Variants in SLC8A1 observed in about 807,000 individuals in gnomAD.
The protein encoded by SLC8A1 is sodium/calcium exchanger 1.
In SLC8A1, 18 loss-of-function variants were observed where a neutral mutation model predicts 68.3. The observed-to-expected ratio is 0.26, with a 90% CI of 0.18 to 0.39. The LOEUF is 0.39. Ranked by LOEUF, SLC8A1 falls within the 10% of genes least tolerant of loss-of-function variation. The probability of loss-of-function intolerance (pLI) is 1.00; values close to 1 mark genes in which losing one functional copy is unlikely to be tolerated. For missense variants in SLC8A1, 985 were observed against 1,156.7 expected, an observed-to-expected ratio of 0.85 and a Z score of 2.15; for synonymous variants, 475 against 415.5, an observed-to-expected ratio of 1.14 and a Z score of -1.74.
In SLC8A1 at chr2:40,365,554, G is replaced by A. The variant is rs923132010; in HGVS notation, c.1808+62919C>T. ...TCACTACGGTTGGGGGCAAGGTGAG[G>A]GGCTCTGAATCCCATTTGGAAGCTT... On this transcript the variant is annotated intron_variant, in intron 2 of 7. Coordinates refer to ENST00000406785, the Ensembl canonical transcript of SLC8A1. Among the ~76,000 whole-genome samples the A allele has an allele frequency of 9.2e-5, 14 of 152,158 alleles. No homozygotes were observed. In the East Asian group the frequency reaches 2.7e-3, roughly 29 times the overall value.
At chr2:40,115,099 T>C (rs2035077415) in exon 8 of SLC8A1, 1 of 482,124 alleles carries the variant, frequency 2.1e-6, no homozygotes, top group African/African-American at 2.0e-5. Flanking sequence ...AGGTGATGGT[T>C]TTTTACTTCG....
intron 1 of SLC8A1, among the ~76,000 whole-genome samples, chr2:40,510,829 G>C (rs1026192780): frequency 6.6e-6 from 1 of 152,090 alleles, no homozygotes; most frequent in Admixed American, 6.6e-5. Flanking sequence ...AGAATAATTT[G>C]ATGGAAACAA....
intron 7 of SLC8A1, 121 bp downstream of exon 10, chr2:40,139,280 G>A (rs2041121632): frequency 2.8e-6 from 3 of 1,084,920 alleles, no homozygotes; most frequent in Admixed American, 4.8e-5. Flanking sequence ...ATACCTCAGG[G>A]CTCTCGTCTT....
chr2:40,157,182 A>G (rs190925671), intron 6 of SLC8A1, among the ~76,000 whole-genome samples: 3 of 152,362 alleles, frequency 2.0e-5, no homozygotes, highest in South Asian at 4.1e-4. Context: ...GTTCTATAAT[A>G]GAATTGCCTC....
At chr2:40,420,318 T>G (rs1319428252) in intron 2 of SLC8A1, among the ~76,000 whole-genome samples, 1 of 151,482 alleles carries the variant, frequency 6.6e-6, no homozygotes, top group African/African-American at 2.4e-5. Context: ...CCCCTGATAC[T>G]AATTCTTTGC....
At chr2:40,369,118 A>T (rs1677174263) in intron 2 of SLC8A1, among the ~76,000 whole-genome samples, 1 of 152,118 alleles carries the variant, frequency 6.6e-6, no homozygotes. Flanking sequence ...CATTAAGGAC[A>T]CAGGCTGGGG....
chr2:40,396,575 T>C (rs1159798752), intron 2 of SLC8A1, among the ~76,000 whole-genome samples: 1 of 151,854 alleles, frequency 6.6e-6, no homozygotes, highest in African/African-American at 2.4e-5. Context: ...ATTATGTACA[T>C]AACCTGGAAA....
chr2:40,108,841 C>T (rs1197071020), exon 8 of SLC8A1: 2 of 151,978 alleles, frequency 1.3e-5, no homozygotes, highest in Non-Finnish European at 2.9e-5. Context: ...AGAGGGAGGG[C>T]CAAAAGTTCT....
At chr2:40,294,743 A>G (rs2070011627) in intron 2 of SLC8A1, among the ~76,000 whole-genome samples, 1 of 152,204 alleles carries the variant, frequency 6.6e-6, no homozygotes, top group Admixed American at 6.5e-5. Flanking sequence ...GCCTGGTTTT[A>G]TAAAATAAAG....
chr2:40,409,229 C>G (rs1039129340), intron 2 of SLC8A1, among the ~76,000 whole-genome samples: 3 of 152,078 alleles, frequency 2.0e-5, no homozygotes, highest in African/African-American at 7.2e-5. Context: ...GACTAAAATA[C>G]CCCTGTAAGT....
intron 2 of SLC8A1, among the ~76,000 whole-genome samples, chr2:40,243,756 G>C (rs915804678): frequency 6.6e-6 from 1 of 152,158 alleles, no homozygotes; most frequent in African/African-American, 2.4e-5. Flanking sequence ...CAGTGGGAAG[G>C]CACCAACTCT....
intron 4 of SLC8A1, chr2:40,170,329 C>A: frequency 1.2e-6 from 2 of 1,614,048 alleles, no homozygotes; most frequent in South Asian, 2.2e-5. Flanking sequence ...CTAGCATGAA[C>A]CTTCCTGAAG....
Position 40,324,031 on chromosome 2 carries a change from G to C in SLC8A1, c.1808+104442C>G, listed in dbSNP as rs182103703. Among the ~76,000 whole-genome samples the C allele has an allele frequency of 1.6e-3, 241 of 151,820 alleles. 3 individuals are homozygous for C. The East Asian group carries it at 0.022, about 14-fold the overall frequency. On this transcript the variant is annotated intron_variant, in intron 2 of 7. Transcript: ENST00000406785. Reference sequence around the variant, plus strand: ...GCAATGCTTAGCAAGTTAAAGGTGGGGGGGGGGCTGTTAACAATTACAGTA... The same window carrying C: ...GCAATGCTTAGCAAGTTAAAGGTGGCGGGGGGGCTGTTAACAATTACAGTA...
At chr2:40,482,021 A>G (rs550652495) in intron 1 of SLC8A1, among the ~76,000 whole-genome samples, 2 of 152,320 alleles carry the variant, frequency 1.3e-5, no homozygotes, top group South Asian at 2.1e-4. Context: ...ACCTGTCCCA[A>G]AAGATTCTCT....
intron 1 of SLC8A1, among the ~76,000 whole-genome samples, chr2:40,498,019 A>G (rs1420482099): frequency 1.3e-5 from 2 of 152,014 alleles, no homozygotes; most frequent in Admixed American, 6.6e-5. Context: ...GGTATGAACT[A>G]TTGGATTTTG....
At chr2:40,149,088 TC>T (rs1257712803) in intron 6 of SLC8A1, among the ~76,000 whole-genome samples, 27 of 152,350 alleles carry the variant, frequency 1.8e-4, no homozygotes, top group Non-Finnish European at 1.5e-4. Flanking sequence ...TGGTGCATAT[TC>T]TATTAAGTCT....
chr2:40,267,125 CA>C (rs1476813205), intron 2 of SLC8A1, among the ~76,000 whole-genome samples: 1 of 152,180 alleles, frequency 6.6e-6, no homozygotes, highest in South Asian at 2.1e-4. Context: ...GCTGGTACCA[CA>C]ATAATGGTGA....
rs1201422767 is a variant in SLC8A1 at position 40,165,132 on chromosome 2, CCAGA to C, written c.1931-152_1931-149del. The C allele has an allele frequency of 4.0e-5, 35 of 864,790 alleles. No homozygotes were observed. The Admixed American group carries it at 7.4e-4, about 18-fold the overall frequency. 53.6% of individuals were successfully genotyped at this position (864,790 alleles called of 1,614,324 possible). ...GAGATCACGATGCTGGAGGGAAGAG[CCAGA>C]CAGACACTTGGCATGTAAGGCAGCA... On this transcript the variant is annotated intron_variant, in intron 4 of 7. Transcript: ENST00000406785.
Position 40,258,043 on chromosome 2 carries a change from C to A in SLC8A1, c.1809-80188G>T, listed in dbSNP as rs1466649830. ...GTGGGTGATGCTGACAATAATTAAG[C>A]AAACAGAATGCCAAACAATTGTAAG... On this transcript the variant is annotated intron_variant, in intron 2 of 7. Coordinates refer to ENST00000406785, the Ensembl canonical transcript of SLC8A1. Among the ~76,000 whole-genome samples the A allele has an allele frequency of 2.6e-5, 4 of 152,152 alleles. No homozygotes were observed. The East Asian group carries it at 7.7e-4, about 29-fold the overall frequency.
Sources: gnomAD v4.1 joint callset for allele counts (sites outside exome capture counted in the v4.1 genomes callset) on GRCh38, gnomAD v4.1.1 for gene constraint, MANE v1.5 for transcripts, NCBI Gene and HGNC (gene_info 2026-07-23, HGNC 2026-07-21) for gene names.